RUNDC3B: variants seen among roughly 807,000 people sequenced by gnomAD.
RUNDC3B encodes RUN domain containing 3B.
A neutral mutation model predicts 58.4 loss-of-function variants in RUNDC3B; 33 were observed. That is an observed-to-expected ratio of 0.56 (90% CI 0.43 to 0.75). The LOEUF (loss-of-function observed/expected upper bound fraction) is 0.75. RUNDC3B is among the 30% of genes least tolerant of loss of function. RUNDC3B has a pLI of 0.00. For missense variants in RUNDC3B, 501 were observed against 535.7 expected (o/e 0.94, Z 0.64); for synonymous variants, 193 against 195.2 (o/e 0.99, Z 0.10).
chr7:87,693,554 TC>T (rs1828207470), intron 2 of RUNDC3B, among the ~76,000 whole-genome samples: 1 of 152,206 alleles, frequency 6.6e-6, no homozygotes, highest in Admixed American at 6.5e-5. Context: ...GCCAGCAAGT[TC>T]AGTCAAGCTG....
chr7:87,757,374 C>G (rs1833431211), intron 6 of RUNDC3B, among the ~76,000 whole-genome samples: 1 of 152,038 alleles, frequency 6.6e-6, no homozygotes, highest in East Asian at 1.9e-4. Context: ...AAATCAGTAG[C>G]ATTTCTATAT....
At chr7:87,640,062 T>C (rs1437066291) in intron 1 of RUNDC3B, among the ~76,000 whole-genome samples, 1 of 150,864 alleles carries the variant, frequency 6.6e-6, no homozygotes, top group Non-Finnish European at 1.5e-5. Context: ...TGTTTATATA[T>C]ATTTCTATTC....
chr7:87,760,979 G>T (rs557403960), intron 6 of RUNDC3B, among the ~76,000 whole-genome samples: 5 of 151,832 alleles, frequency 3.3e-5, no homozygotes, highest in Admixed American at 3.3e-4. Flanking sequence ...TAGATAAATT[G>T]GACTTCATCA....
intron 3 of RUNDC3B, among the ~76,000 whole-genome samples, chr7:87,700,953 A>G (rs982184982): frequency 1.3e-5 from 2 of 152,244 alleles, no homozygotes; most frequent in African/African-American, 4.8e-5. Flanking sequence ...CTTCCCCACC[A>G]TGCACTCAGT....
At chr7:87,797,468 A>G (rs1835879078) in intron 8 of RUNDC3B, among the ~76,000 whole-genome samples, 1 of 152,178 alleles carries the variant, frequency 6.6e-6, no homozygotes, top group Admixed American at 6.5e-5. Flanking sequence ...TAGTGATTAT[A>G]AGATCAGGCA....
intron 7 of RUNDC3B, among the ~76,000 whole-genome samples, chr7:87,776,483 C>A (rs1834635795): frequency 6.6e-6 from 1 of 151,904 alleles, no homozygotes; most frequent in African/African-American, 2.4e-5. Context: ...TAAGATGACA[C>A]ATATTTGTAG....
At chr7:87,670,025 G>A (rs1027064286) in intron 2 of RUNDC3B, among the ~76,000 whole-genome samples, 3 of 152,154 alleles carry the variant, frequency 2.0e-5, no homozygotes, top group Non-Finnish European at 2.9e-5. Context: ...CCTGTACCTC[G>A]TTGGGGAAGT....
At chr7:87,642,773 C>T (rs1156541917) in intron 1 of RUNDC3B, among the ~76,000 whole-genome samples, 1 of 152,114 alleles carries the variant, frequency 6.6e-6, no homozygotes, top group African/African-American at 2.4e-5. Context: ...TGTCATCAGT[C>T]TGCTTATATA....
At chr7:87,779,511 T>C (rs1221529794) in intron 8 of RUNDC3B, among the ~76,000 whole-genome samples, 1 of 152,204 alleles carries the variant, frequency 6.6e-6, no homozygotes, top group African/African-American at 2.4e-5. Flanking sequence ...TGGACCTTTA[T>C]TAATGATACT....
chr7:87,731,732 A>G (rs1242602840), intron 4 of RUNDC3B, among the ~76,000 whole-genome samples: 2 of 152,250 alleles, frequency 1.3e-5, no homozygotes, highest in Non-Finnish European at 2.9e-5. Flanking sequence ...TTGTAAATAC[A>G]TGTGCACCCA....
intron 6 of RUNDC3B, among the ~76,000 whole-genome samples, chr7:87,746,943 A>T (rs993737734): frequency 1.3e-5 from 2 of 152,198 alleles, no homozygotes; most frequent in African/African-American, 4.8e-5. Flanking sequence ...TGATTAGCGT[A>T]ATGACTAACC....
At chr7:87,815,363 A>G (rs1287256562) in intron 9 of RUNDC3B, among the ~76,000 whole-genome samples, 2 of 152,120 alleles carry the variant, frequency 1.3e-5, no homozygotes, top group East Asian at 1.9e-4. Flanking sequence ...TCCCTAGACC[A>G]CTTATATATG....
intron 6 of RUNDC3B, among the ~76,000 whole-genome samples, chr7:87,742,556 T>C (rs1013209278): frequency 1.3e-5 from 2 of 151,132 alleles, no homozygotes; most frequent in African/African-American, 4.9e-5. Context: ...TATGGCTGCG[T>C]AGTATTCCAT....
In RUNDC3B at chr7:87,628,963, G is replaced by T. The variant is rs2130165952; in HGVS notation, c.122+18G>T. 7.6e-7 allele frequency: 1 copy of T among 1,308,062 alleles called. No homozygotes were observed. The highest frequency in any genetic ancestry group is 1.5e-5 in the African/African-American group (1 of 66,472). 81.0% of individuals were successfully genotyped at this position (1,308,062 alleles called of 1,614,324 possible). A position where few individuals can be genotyped will look rare whatever the true frequency, so the allele number is the denominator to read the frequency against. On this transcript the variant is annotated intron_variant, in intron 1 of 10. Coordinates refer to ENST00000394654, the MANE Select transcript of RUNDC3B (RefSeq NM_001134405.2). ...GTGTGCAGGTACGGCAGCGCAGGGC[G>T]AGGGGAACCAGCCTCCCGCCGGGGC...
chr7:87,753,132 C>T (rs1833126081), intron 6 of RUNDC3B, among the ~76,000 whole-genome samples: 1 of 151,762 alleles, frequency 6.6e-6, no homozygotes, highest in South Asian at 2.1e-4. Flanking sequence ...TCGTTATGTA[C>T]CCAGTAGTCA....
At chr7:87,752,373 G>A (rs371267444) in intron 6 of RUNDC3B, among the ~76,000 whole-genome samples, 119 of 152,226 alleles carry the variant, frequency 7.8e-4, no homozygotes, top group African/African-American at 2.7e-3. Context: ...TTGGTATCAG[G>A]ATGATGCTGG....
At chr7:87,801,579 G>GA (rs1312934772) in intron 8 of RUNDC3B, among the ~76,000 whole-genome samples, 1 of 151,708 alleles carries the variant, frequency 6.6e-6, no homozygotes, top group Non-Finnish European at 1.5e-5. Flanking sequence ...CCAACATGGT[G>GA]AAACCCTGTC....
intron 3 of RUNDC3B, among the ~76,000 whole-genome samples, chr7:87,706,434 C>A (rs894770629): frequency 2.0e-5 from 3 of 151,954 alleles, no homozygotes; most frequent in Non-Finnish European, 4.4e-5. Context: ...GAGTCGATCC[C>A]AAAGGTAAGA....
At chr7:87,781,792 AT>A (rs748533160) in intron 8 of RUNDC3B, among the ~76,000 whole-genome samples, 2 of 151,666 alleles carry the variant, frequency 1.3e-5, no homozygotes, top group Non-Finnish European at 2.9e-5. Flanking sequence ...ACATTTCTTG[AT>A]TTGCTTATTT....
Sources: allele counts gnomAD v4.1 joint callset (sites outside exome capture counted in the v4.1 genomes callset), GRCh38; gene constraint gnomAD v4.1.1; transcripts MANE v1.5; gene names NCBI Gene and HGNC (gene_info 2026-07-23, HGNC 2026-07-21).